SLC39A14: variants seen among roughly 807,000 people sequenced by gnomAD.
The protein encoded by SLC39A14 is solute carrier family 39 member 14.
Under a neutral mutation model 45.5 loss-of-function variants are expected in SLC39A14, and 19 were observed. That is an observed-to-expected ratio of 0.42 (90% CI 0.29 to 0.61). The LOEUF (loss-of-function observed/expected upper bound fraction) is 0.61. SLC39A14 is among the 20% of genes least tolerant of loss of function. SLC39A14 has a pLI of 0.22. For missense variants in SLC39A14, 447 were observed against 616.5 expected, an observed-to-expected ratio of 0.73 and a Z score of 2.91; for synonymous variants, 264 against 251.3, an observed-to-expected ratio of 1.05 and a Z score of -0.48.
chr8:22,370,257 C>T (rs1832857063), intron 1 of SLC39A14, among the ~76,000 whole-genome samples: 1 of 152,146 alleles, frequency 6.6e-6, no homozygotes, highest in African/African-American at 2.4e-5. Context: ...CTTCTTCCTC[C>T]TTCCTTACCT....
intron 1 of SLC39A14, among the ~76,000 whole-genome samples, chr8:22,388,373 A>G (rs548496575): frequency 6.6e-6 from 1 of 152,122 alleles, no homozygotes; most frequent in East Asian, 1.9e-4. Context: ...GAGTGTGGAG[A>G]TAGAAACGTG....
chr8:22,394,730 C>G (rs1834285354), intron 1 of SLC39A14, among the ~76,000 whole-genome samples: 1 of 152,144 alleles, frequency 6.6e-6, no homozygotes, highest in Non-Finnish European at 1.5e-5. Flanking sequence ...TAATTACATG[C>G]ATTTCATTGT....
chr8:22,400,908 T>A (rs1212989342), intron 1 of SLC39A14, among the ~76,000 whole-genome samples: 1 of 152,264 alleles, frequency 6.6e-6, no homozygotes, highest in African/African-American at 2.4e-5. Context: ...ATAAGTCTTA[T>A]AATTATTATA....
chr8:22,373,051 C>G (rs188649646), intron 1 of SLC39A14, among the ~76,000 whole-genome samples: 2 of 152,142 alleles, frequency 1.3e-5, no homozygotes, highest in East Asian at 1.9e-4. Flanking sequence ...ATCACAAGGT[C>G]AAGAGATCCC....
In SLC39A14 at chr8:22,420,611, C is replaced by T. The variant is rs1343216659; in HGVS notation, c.*913C>T. 5.1e-6 allele frequency: 5 copies of T among 985,400 alleles called. No individual in the cohort carries two copies. Among genetic ancestry groups the T allele is most frequent in the Non-Finnish European group, 6.0e-6 (5 of 829,920 alleles). The allele number at this position is 985,400 out of a possible 1,614,324, so 61.0% of individuals were successfully genotyped here. On this transcript the variant is annotated 3_prime_UTR_variant, in exon 9 of 9. Transcript: ENST00000381237. The stretch of plus-strand genomic sequence containing the variant: ...GACCTCTGTGTTAGAGGGGAGACTG[C>T]ACAAACTATCCTCCCCCAGGTTGAG...
intron 5 of SLC39A14, chr8:22,415,557 C>CA: frequency 2.0e-6 from 1 of 490,706 alleles, no homozygotes; most frequent in Non-Finnish European, 3.5e-6. Context: ...CGGCCTCCCA[C>CA]AGTGCTGGGA....
At chr8:22,423,578 C>G (rs1337252319), downstream of SLC39A14, among the ~76,000 whole-genome samples, 2 of 151,854 alleles carry the variant, frequency 1.3e-5, no homozygotes, top group Admixed American at 1.3e-4. Flanking sequence ...CTCGTGATCC[C>G]CCTGCCTCGG....
rs1204209645 is a variant in SLC39A14 at position 22,398,540 on chromosome 8, G to A, written c.-15-6156G>A. The A allele has an allele frequency of 1.3e-5, 2 of 157,106 alleles. 1 individual carries two copies. Among genetic ancestry groups the A allele is most frequent in the Admixed American group, 1.3e-4 (2 of 15,280 alleles). 9.7% of individuals were successfully genotyped at this position (157,106 alleles called of 1,614,324 possible). On this transcript the variant is annotated intron_variant, in intron 1 of 8. Transcript: ENST00000381237. ...GTTCCCTGGCCAGCAGAGTCGGGGT[G>A]CGGTGGGGGGTTGTCAGGAAAGGGA...
At position 22,410,078 on chromosome 8, in the gene SLC39A14, C is replaced by T. The variant is rs765639239; in HGVS notation, c.457+1582C>T. 5 of 1,614,134 alleles carry T rather than the reference C, an allele frequency of 3.1e-6. No individual in the cohort carries two copies. The highest frequency in any genetic ancestry group is 2.7e-5 in the African/African-American group (2 of 75,014). On this transcript the variant is annotated intron_variant, in intron 3 of 8. Coordinates refer to ENST00000381237, the MANE Select transcript of SLC39A14 (RefSeq NM_001128431.4). The stretch of plus-strand genomic sequence containing the variant: ...TACTTCATCGCCCTGTCCATTGGAA[C>T]GCTGCTGTCTAACGCGCTATTCCAG...
At chr8:22,427,529 T>C (rs909900768), downstream of SLC39A14, among the ~76,000 whole-genome samples, 2 of 152,106 alleles carry the variant, frequency 1.3e-5, no homozygotes, top group Non-Finnish European at 2.9e-5. Context: ...AAAAAACCTC[T>C]TTGATCTTGA....
At position 22,405,120 on chromosome 8, in the gene SLC39A14, CA is replaced by C. The variant is rs1470480159; in HGVS notation, c.270+141del. On this transcript the variant is annotated intron_variant, in intron 2 of 8. Transcript: ENST00000381237. ...AGACAAGTCTCGATGATAGAGTGGA[CA>C]GGCTGATTCTTTCTCTCTCATTGTC... The C allele has an allele frequency of 4.3e-5, 31 of 713,034 alleles. No individual in the cohort carries two copies. The South Asian group carries it at 5.8e-4, about 13-fold the overall frequency. The allele number at this position is 713,034 out of a possible 1,614,324, so 44.2% of individuals were successfully genotyped here. A position where few individuals can be genotyped will look rare whatever the true frequency, so the allele number is the denominator to read the frequency against.
At chr8:22,432,968 A>T (rs542318579) in intron 8 of SLC39A14, among the ~76,000 whole-genome samples, 20 of 151,144 alleles carry the variant, frequency 1.3e-4, no homozygotes, top group South Asian at 1.0e-3. Context: ...GCTAATTTTT[A>T]AAAAAAATTT....
chr8:22,415,676 T>C (rs1215896404), intron 5 of SLC39A14, 93 bp from the exon 6 acceptor site: 4 of 1,188,334 alleles, frequency 3.4e-6, no homozygotes, highest in Non-Finnish European at 3.6e-6. Context: ...GCTGAGGTCT[T>C]CCAGTGTGTG....
chr8:22,428,789 T>C (rs527437236), intron 8 of SLC39A14, among the ~76,000 whole-genome samples: 8 of 152,274 alleles, frequency 5.3e-5, no homozygotes, highest in African/African-American at 1.9e-4. Context: ...GCTGACTGCA[T>C]GGAAGACTGC....
intron 8 of SLC39A14, 23 bp from the exon 9 acceptor site, chr8:22,419,529 G>T (rs536386147): frequency 1.9e-6 from 3 of 1,603,170 alleles, no homozygotes; most frequent in Non-Finnish European, 2.6e-6. Flanking sequence ...TTGCAGCTGT[G>T]TTGTTTCTTG....
downstream of SLC39A14, among the ~76,000 whole-genome samples, chr8:22,426,281 A>T (rs548285502): frequency 6.6e-6 from 1 of 152,028 alleles, no homozygotes; most frequent in South Asian, 2.1e-4. Flanking sequence ...CTGCAGCCTC[A>T]ATCTCCTGGG....
intron 8 of SLC39A14, among the ~76,000 whole-genome samples, chr8:22,431,644 A>C (rs1836468907): frequency 6.6e-6 from 1 of 152,250 alleles, no homozygotes; most frequent in Non-Finnish European, 1.5e-5. Context: ...CCCAGATTTG[A>C]AGAAATGTGT....
chr8:22,372,132 C>T (rs911554937), intron 1 of SLC39A14, among the ~76,000 whole-genome samples: 1 of 151,996 alleles, frequency 6.6e-6, no homozygotes, highest in African/African-American at 2.4e-5. Flanking sequence ...TCTTTAGATC[C>T]CTTATTTAGA....
In SLC39A14 at chr8:22,417,171, C is replaced by G. The variant is rs188266565; in HGVS notation, c.1148-480C>G. ...TCGGGCAAATCACTTCTCACAGTCT[C>G]GACACTTAACTTCTCGCAGTTTTGA... On this transcript the variant is annotated intron_variant, in intron 7 of 8. Coordinates refer to ENST00000381237, the MANE Select transcript of SLC39A14 (RefSeq NM_001128431.4). Among the ~76,000 whole-genome samples, 18 of 152,338 alleles carry G rather than the reference C, an allele frequency of 1.2e-4. No individual in the cohort carries two copies. In the South Asian group the frequency reaches 1.9e-3, roughly 16 times the overall value.
Sources: gnomAD v4.1 joint callset for allele counts (sites outside exome capture counted in the v4.1 genomes callset) on GRCh38, gnomAD v4.1.1 for gene constraint, MANE v1.5 for transcripts, NCBI Gene and HGNC (gene_info 2026-07-23, HGNC 2026-07-21) for gene names.